Variants in SMC3 observed in about 807,000 individuals in gnomAD.
SMC3 encodes structural maintenance of chromosomes 3.
SMC3 carries 20 observed loss-of-function variants against 171.8 expected under a neutral mutation model. That is an observed-to-expected ratio of 0.12 (90% CI 0.08 to 0.17). The LOEUF (loss-of-function observed/expected upper bound fraction) is 0.17, where lower values mean the gene tolerates loss of function less well. SMC3 is among the 10% of genes least tolerant of loss of function. The pLI, the probability that SMC3 is intolerant of heterozygous loss-of-function variation, is 1.00. For synonymous variants in SMC3, 464 were observed against 451.1 expected (o/e 1.03, Z -0.36); for missense variants, 543 against 1,420.4 (o/e 0.38, Z 9.93).
At chr10:110,579,597 G>A (rs1446352916) in intron 7 of SMC3, among the ~76,000 whole-genome samples, 1 of 152,066 alleles carries the variant, frequency 6.6e-6, no homozygotes, top group Non-Finnish European at 1.5e-5. Context: ...CACTTACACT[G>A]TTAGGATAGT....
At chr10:110,602,686 A>G (rs1332489902) in intron 26 of SMC3, 21 bp downstream of exon 26, 1 of 1,603,022 alleles carries the variant, frequency 6.2e-7, no homozygotes, top group Non-Finnish European at 8.5e-7. Context: ...TTTATATTCC[A>G]TTTTCCTCAG....
Position 110,581,031 on chromosome 10 carries a change from A to C in SMC3, c.547+10A>C. 1 of 1,409,724 alleles carries C rather than the reference A, an allele frequency of 7.1e-7. No individual in the cohort carries two copies. Among genetic ancestry groups the C allele is most frequent in the Non-Finnish European group, 1.0e-6 (1 of 993,608 alleles). 87.3% of individuals were successfully genotyped at this position (1,409,724 alleles called of 1,614,324 possible). A position where few individuals can be genotyped will look rare whatever the true frequency, so the allele number is the denominator to read the frequency against. ...TTAATGAAAGAAACAGGTAAAATAAATGTGATTCTGCCTTATTTTTTTGTT... is the reference window on the plus strand; with the variant it reads ...TTAATGAAAGAAACAGGTAAAATAACTGTGATTCTGCCTTATTTTTTTGTT... On this transcript the variant is annotated intron_variant, in intron 8 of 28. Transcript: ENST00000361804.
At chr10:110,592,207 G>A (rs1417139548) in intron 17 of SMC3, among the ~76,000 whole-genome samples, 1 of 151,534 alleles carries the variant, frequency 6.6e-6, no homozygotes, top group Non-Finnish European at 1.5e-5. Flanking sequence ...AGAGGTTGCA[G>A]TGAGCCAAGA....
At chr10:110,575,260 A>T (rs544820230) in intron 3 of SMC3, 76 bp from the exon 4 acceptor site, 44 of 984,178 alleles carry the variant, frequency 4.5e-5, no homozygotes, top group Middle Eastern at 5.3e-4. Flanking sequence ...ACTATGTTCT[A>T]TTGAGGTGTG....
intron 12 of SMC3, 50 bp downstream of exon 12, chr10:110,584,012 A>C (rs746551331): frequency 1.2e-6 from 2 of 1,605,536 alleles, no homozygotes; most frequent in South Asian, 2.2e-5. Flanking sequence ...TATTATGTAA[A>C]ACTAGGTTGT....
intron 25 of SMC3, 35 bp downstream of exon 25, chr10:110,602,213 G>C (rs779003067): frequency 5.2e-6 from 8 of 1,538,722 alleles, no homozygotes; most frequent in South Asian, 3.4e-5. Flanking sequence ...CATACACACA[G>C]AGGACAAAAG....
Position 110,596,415 on chromosome 10 carries a change from C to T in SMC3, c.1981C>T (p.Arg661Trp), listed in dbSNP as rs1861301530. The change falls in exon 19 of 29, where the codon CGG becomes TGG. Residue 661 changes from arginine to tryptophan, a missense_variant. By Grantham distance (101) the Arg-to-Trp change is moderately radical. Coordinates refer to ENST00000361804, the MANE Select transcript of SMC3 (RefSeq NM_005445.4). ...ITLEGDQVSH[R>W]GALTGGYYDT... Reference sequence around the variant, plus strand: ...GTTTATAGGTGACCAAGTCAGCCATCGGGGTGCTCTAACTGGGGGTTATTA... The same window carrying T: ...GTTTATAGGTGACCAAGTCAGCCATTGGGGTGCTCTAACTGGGGGTTATTA... The T allele has an allele frequency of 6.2e-7, 1 of 1,613,578 alleles. No homozygotes were observed. Among genetic ancestry groups the T allele is most frequent in the African/African-American group, 1.3e-5 (1 of 74,984 alleles).
chr10:110,597,583 C>T (rs2134746890), intron 19 of SMC3, among the ~76,000 whole-genome samples: 1 of 152,290 alleles, frequency 6.6e-6, no homozygotes, highest in African/African-American at 2.4e-5. Flanking sequence ...TTTGACCTTG[C>T]AGGGGTCTGC....
chr10:110,577,296 A>G (rs1860966966), intron 4 of SMC3, 125 bp from the exon 5 acceptor site: 2 of 726,538 alleles, frequency 2.8e-6, no homozygotes, highest in African/African-American at 1.7e-5. Flanking sequence ...GTGTGTATAT[A>G]TGAATCTAGC....
At position 110,599,722 on chromosome 10, in the gene SMC3, A is replaced by G. The variant is rs746147412; in HGVS notation, c.2337A>G (p.Ala779=). ...AMESTRESLK[A]ELGTDLLSQL... is the part of the protein sequence containing the mutation. ...AGTCTACCAGAGAGTCATTGAAAGCAGAACTGGGAACTGATTTGCTTTCTC... is the reference window on the plus strand; with the variant it reads ...AGTCTACCAGAGAGTCATTGAAAGCGGAACTGGGAACTGATTTGCTTTCTC... Residue 779 remains alanine, a synonymous_variant, in exon 21 of 29, where the codon GCA becomes GCG. Coordinates refer to ENST00000361804, the MANE Select transcript of SMC3 (RefSeq NM_005445.4). 1 of 1,614,188 alleles carries G rather than the reference A, an allele frequency of 6.2e-7. No individual in the cohort carries two copies. The highest frequency in any genetic ancestry group is 1.7e-5 in the Admixed American group (1 of 60,030).
intron 17 of SMC3, among the ~76,000 whole-genome samples, chr10:110,592,434 G>T (rs1018330417): frequency 6.6e-6 from 1 of 152,060 alleles, no homozygotes; most frequent in East Asian, 1.9e-4. Flanking sequence ...TTGTGGTTAT[G>T]TTGGTGTTCT....
chr10:110,589,673 A>G lies in SMC3; in HGVS notation c.1374A>G (p.Val458=), dbSNP rs555367219. The G allele has an allele frequency of 2.9e-5, 47 of 1,608,586 alleles. No individual in the cohort carries two copies. The highest frequency in any genetic ancestry group is 3.7e-5 in the Non-Finnish European group (44 of 1,175,618). The stretch of plus-strand genomic sequence containing the variant: ...AACTGGACAGAAAATATTACGAAGT[A>G]AAAAATAAGAAAGATGAACTACAAA... ...VEELDRKYYE[V]KNKKDELQSE... is the part of the protein sequence containing the mutation. The change falls in exon 14 of 29, where the codon GTA becomes GTG. Residue 458 remains valine (V), a synonymous_variant. Coordinates refer to ENST00000361804, the MANE Select transcript of SMC3 (RefSeq NM_005445.4).
At chr10:110,598,598 G>A (rs1273019307) in intron 20 of SMC3, among the ~76,000 whole-genome samples, 3 of 152,052 alleles carry the variant, frequency 2.0e-5, no homozygotes, top group African/African-American at 7.2e-5. Context: ...TAGACATGGG[G>A]TTTCACCATG....
chr10:110,600,648 G>T, intron 22 of SMC3, 102 bp downstream of exon 22: 1 of 735,866 alleles, frequency 1.4e-6, no homozygotes. Flanking sequence ...TGGGCTTTGG[G>T]GACAGAAAGC....
At position 110,600,523 on chromosome 10, in the gene SMC3, A is replaced by G. The variant is rs764573826; in HGVS notation, c.2512A>G (p.Lys838Glu). Residue 838 changes from lysine to glutamate, a missense_variant, in exon 22 of 29, where the codon AAA becomes GAA. Physicochemically the swap from Lys to Glu is moderately conservative, Grantham distance 56. Coordinates refer to ENST00000361804, the MANE Select transcript of SMC3 (RefSeq NM_005445.4). The stretch of plus-strand genomic sequence containing the variant: ...GACTTATCTCAATGAGAATCTGAGA[A>G]AACGCTTGGACCAAGTAGAACAGGT... ...VETYLNENLR[K>E]RLDQVEQELN... 6.3e-7 allele frequency: 1 copy of G among 1,593,336 alleles called. No homozygotes were observed. The highest frequency in any genetic ancestry group is 8.6e-7 in the Non-Finnish European group (1 of 1,161,124).
At chr10:110,580,821 G>A in intron 7 of SMC3, 83 bp from the exon 8 acceptor site, 1 of 799,072 alleles carries the variant, frequency 1.3e-6, no homozygotes. Context: ...ACCTTCATGT[G>A]TATTAAAAAC....
intron 18 of SMC3, 39 bp from the exon 19 acceptor site, chr10:110,596,356 TAAA>T: frequency 6.5e-7 from 1 of 1,548,504 alleles, no homozygotes; most frequent in South Asian, 1.2e-5. Context: ...TATCATTGAA[TAAA>T]AAAGTTGTAC....
At chr10:110,580,321 C>T (rs1861013199) in intron 7 of SMC3, among the ~76,000 whole-genome samples, 1 of 152,066 alleles carries the variant, frequency 6.6e-6, no homozygotes, top group Non-Finnish European at 1.5e-5. Flanking sequence ...AAAGTGTAGT[C>T]AGTGATGGTT....
intron 17 of SMC3, among the ~76,000 whole-genome samples, chr10:110,591,740 T>C (rs759404448): frequency 9.9e-5 from 15 of 152,188 alleles, no homozygotes; most frequent in South Asian, 2.1e-4. Flanking sequence ...ATCAACTGTT[T>C]TACCATCCTC....
Sources: allele counts gnomAD v4.1 joint callset (sites outside exome capture counted in the v4.1 genomes callset), GRCh38; gene constraint gnomAD v4.1.1; transcripts MANE v1.5; gene names NCBI Gene and HGNC (gene_info 2026-07-23, HGNC 2026-07-21).